The following LSAMP variants were observed in gnomAD, a reference collection of about 807,000 sequenced individuals.
LSAMP encodes limbic system associated membrane protein.
In LSAMP, 7 loss-of-function variants were observed where a neutral mutation model predicts 38.6. The observed-to-expected ratio is 0.18, with a 90% confidence interval of 0.10 to 0.34. The LOEUF is 0.34. Among genes scored for constraint, LSAMP ranks in the 10% least tolerant of loss-of-function variants. The pLI, the probability that LSAMP is intolerant of heterozygous loss-of-function variation, is 1.00. For synonymous variants in LSAMP, 154 were observed against 166.8 expected, an observed-to-expected ratio of 0.92 and a Z score of 0.59; for missense variants, 313 against 420.0, an observed-to-expected ratio of 0.75 and a Z score of 2.23.
chr3:115,920,177 T>G (rs1937350328), intron 3 of LSAMP, among the ~76,000 whole-genome samples: 1 of 152,236 alleles, frequency 6.6e-6, no homozygotes, highest in Non-Finnish European at 1.5e-5. Flanking sequence ...AGATCCTGAT[T>G]TCAATTCTTT....
intron 1 of LSAMP, among the ~76,000 whole-genome samples, chr3:116,128,219 A>G (rs2107498218): frequency 1.3e-5 from 2 of 152,376 alleles, no homozygotes; most frequent in South Asian, 4.1e-4. Context: ...TTGAAGAAGA[A>G]TCATATTGAT....
At chr3:116,125,522 C>A (rs1162390753) in intron 1 of LSAMP, among the ~76,000 whole-genome samples, 1 of 152,036 alleles carries the variant, frequency 6.6e-6, no homozygotes, top group Non-Finnish European at 1.5e-5. Flanking sequence ...TGTCTTTTCC[C>A]CTTTTCCAAC....
chr3:116,191,890 T>C (rs910314842), intron 1 of LSAMP, among the ~76,000 whole-genome samples: 59 of 152,128 alleles, frequency 3.9e-4, no homozygotes, highest in African/African-American at 1.2e-3. Context: ...GATTTAACTC[T>C]TTCATCACTT....
chr3:116,355,676 C>T (rs1490062529), intron 1 of LSAMP, among the ~76,000 whole-genome samples: 4 of 151,982 alleles, frequency 2.6e-5, no homozygotes, highest in Non-Finnish European at 5.9e-5. Context: ...AAAATATTTG[C>T]GAACTATCCA....
At chr3:115,847,606 C>T (rs962902758) in intron 4 of LSAMP, among the ~76,000 whole-genome samples, 1 of 152,194 alleles carries the variant, frequency 6.6e-6, no homozygotes, top group East Asian at 1.9e-4. Flanking sequence ...GGGGGCAGTT[C>T]CCCCGTGCTG....
intron 1 of LSAMP, among the ~76,000 whole-genome samples, chr3:116,286,890 T>TAAA (rs547415596): frequency 1.4e-5 from 2 of 145,966 alleles, no homozygotes; most frequent in African/African-American, 2.6e-5. Context: ...ATCTCTCAAG[T>TAAA]TAAAAAAAAA....
chr3:116,267,076 A>T, intron 1 of LSAMP, among the ~76,000 whole-genome samples: 1 of 152,148 alleles, frequency 6.6e-6, no homozygotes, highest in East Asian at 1.9e-4. Flanking sequence ...GCAGGGATTC[A>T]AAACTAAGAT....
intron 1 of LSAMP, among the ~76,000 whole-genome samples, chr3:116,386,049 CTATTA>C (rs1185582370): frequency 6.6e-6 from 1 of 152,052 alleles, no homozygotes; most frequent in East Asian, 1.9e-4. Flanking sequence ...GAAATTCTTA[CTATTA>C]TAACTTCATT....
At chr3:116,202,513 T>C (rs1222324748) in intron 1 of LSAMP, among the ~76,000 whole-genome samples, 1 of 151,934 alleles carries the variant, frequency 6.6e-6, no homozygotes, top group East Asian at 1.9e-4. Context: ...GGTGCGATCA[T>C]AGCTCACTGC....
intron 3 of LSAMP, among the ~76,000 whole-genome samples, chr3:115,955,648 T>G (rs1017171439): frequency 2.6e-5 from 4 of 152,172 alleles, no homozygotes; most frequent in African/African-American, 9.7e-5. Flanking sequence ...CAGGTAGTTG[T>G]GTGTGTGTGC....
intron 2 of LSAMP, among the ~76,000 whole-genome samples, chr3:116,055,952 A>C (rs1266520732): frequency 1.3e-5 from 2 of 149,728 alleles, no homozygotes; most frequent in Non-Finnish European, 3.0e-5. Context: ...AAGATGGAAA[A>C]GGATCCCTGC....
chr3:116,390,356 T>C (rs1467771971), intron 1 of LSAMP, among the ~76,000 whole-genome samples: 1 of 152,094 alleles, frequency 6.6e-6, no homozygotes, highest in Non-Finnish European at 1.5e-5. Flanking sequence ...CCAGTTCAGT[T>C]AGAGAAGACT....
chr3:116,178,388 G>A (rs1428610148), intron 1 of LSAMP, among the ~76,000 whole-genome samples: 1 of 152,022 alleles, frequency 6.6e-6, no homozygotes, highest in Non-Finnish European at 1.5e-5. Context: ...GGCTGGTCTC[G>A]AACTCCTGAC....
rs72955588 is a variant in LSAMP, at chr3:115,933,628, C to A, written c.515-81011G>T. Among the ~76,000 whole-genome samples, 562 of 152,248 alleles carry A rather than the reference C, an allele frequency of 3.7e-3. 1 individual carries two copies. The highest frequency in any genetic ancestry group is 0.011 in the African/African-American group (464 of 41,540). On this transcript the variant is annotated intron_variant, in intron 3 of 6. Coordinates refer to ENST00000490035, the MANE Select transcript of LSAMP (RefSeq NM_002338.5). ...GCTCAGAACATCCTGTTGTTAAGCC[C>A]TGGTCTGCATAGGCATAGGAGCACC...
At chr3:116,178,071 G>A (rs933675861) in intron 1 of LSAMP, among the ~76,000 whole-genome samples, 1 of 149,042 alleles carries the variant, frequency 6.7e-6, no homozygotes, top group Non-Finnish European at 1.5e-5. Flanking sequence ...GTCTTTGAGG[G>A]CTATTGCTCT....
At chr3:116,357,268 T>C (rs1036840305) in intron 1 of LSAMP, among the ~76,000 whole-genome samples, 1 of 152,202 alleles carries the variant, frequency 6.6e-6, no homozygotes, top group Non-Finnish European at 1.5e-5. Flanking sequence ...CAGAATTCAC[T>C]CATTTAATTA....
chr3:116,214,143 CATT>C (rs1449545148), intron 1 of LSAMP, among the ~76,000 whole-genome samples: 1 of 152,140 alleles, frequency 6.6e-6, no homozygotes, highest in African/African-American at 2.4e-5. Flanking sequence ...CAAATGTCAA[CATT>C]ATTAACCAAG....
intron 1 of LSAMP, among the ~76,000 whole-genome samples, chr3:116,419,071 A>G (rs1289068944): frequency 6.6e-6 from 1 of 152,252 alleles, no homozygotes; most frequent in Non-Finnish European, 1.5e-5. Context: ...TCACCTTTGT[A>G]GAAGTGCTAC....
chr3:116,129,440 T>A (rs1709077677), intron 1 of LSAMP, among the ~76,000 whole-genome samples: 1 of 152,084 alleles, frequency 6.6e-6, no homozygotes, highest in Non-Finnish European at 1.5e-5. Context: ...AGCATCCCCC[T>A]CTCCCAAGGT....
Sources: gnomAD v4.1 joint callset for allele counts (sites outside exome capture counted in the v4.1 genomes callset) on GRCh38, gnomAD v4.1.1 for gene constraint, MANE v1.5 for transcripts, NCBI Gene and HGNC (gene_info 2026-07-23, HGNC 2026-07-21) for gene names.